DMBT1: variants seen among roughly 807,000 people sequenced by gnomAD.
The protein encoded by DMBT1 is scavenger receptor cysteine-rich domain-containing protein DMBT1.
Under a neutral mutation model 252.9 loss-of-function variants are expected in DMBT1, and 198 were observed. The observed-to-expected ratio is 0.78, with a 90% CI of 0.70 to 0.88. The LOEUF is 0.88. DMBT1 is among the 40% of genes least tolerant of loss of function. The pLI, the probability that DMBT1 is intolerant of heterozygous loss-of-function variation, is 0.00. For missense variants in DMBT1, 2,432 were observed against 2,404.7 expected (o/e 1.01, Z -0.24); for synonymous variants, 990 against 942.7 (o/e 1.05, Z -0.92).
Position 122,619,297 on chromosome 10 carries a change from C to G in DMBT1, c.5216-11C>G. ...TGCATCTGATCTGACCTTCTCTTCT[C>G]TTTCTCACAGCTGCTCAGTCCCAGT... On this transcript the variant is annotated splice_polypyrimidine_tract_variant and intron_variant, in intron 41 of 55. Transcript: ENST00000338354. 1 of 1,614,010 alleles carries G rather than the reference C, an allele frequency of 6.2e-7. No individual in the cohort carries two copies. Among genetic ancestry groups the G allele is most frequent in the African/African-American group, 1.3e-5 (1 of 75,056 alleles).
At position 122,621,090 on chromosome 10, in the gene DMBT1, A is replaced by T; in HGVS notation, c.5318A>T (p.Asn1773Ile). The part of the protein sequence containing the change: ...SESSLALRLV[N>I]GGDRCRGRVE... The stretch of plus-strand genomic sequence containing the variant: ...TCCAGTTTGGCTCTGAGGCTGGTGA[A>T]TGGAGGTGACAGGTGTCGAGGCCGA... The change falls in exon 44 of 56, where the codon AAT becomes ATT. Residue 1773 changes from asparagine (N) to isoleucine (I), a missense_variant. Coordinates refer to ENST00000338354, the MANE Select transcript of DMBT1 (RefSeq NM_001377530.1). The T allele has an allele frequency of 5.6e-6, 9 of 1,613,494 alleles. No individual in the cohort carries two copies. Among genetic ancestry groups the T allele is most frequent in the Non-Finnish European group, 5.9e-6 (7 of 1,179,724 alleles).
intron 41 of DMBT1, 44 bp downstream of exon 41, chr10:122,618,384 T>C: frequency 6.2e-7 from 1 of 1,613,454 alleles, no homozygotes; most frequent in Non-Finnish European, 8.5e-7. Context: ...AGTTGAAGTT[T>C]GCTCAGGAAG....
intron 20 of DMBT1, among the ~76,000 whole-genome samples, chr10:122,592,873 C>T (rs1428800877): frequency 6.7e-6 from 1 of 148,330 alleles, no homozygotes; most frequent in Admixed American, 6.7e-5. Flanking sequence ...CTGCTGGCTC[C>T]CCAGGGTTCC....
At chr10:122,625,382 A>G (rs2098111339) in intron 45 of DMBT1, 79 bp downstream of exon 45, 4 of 1,356,076 alleles carry the variant, frequency 2.9e-6, no homozygotes, top group South Asian at 1.2e-5. Flanking sequence ...TAGGAGGAGT[A>G]GGGTAGACTC....
Position 122,640,437 on chromosome 10 carries a change from T to G in DMBT1, c.7340T>G (p.Leu2447Arg). 1 of 1,612,614 alleles carries G rather than the reference T, an allele frequency of 6.2e-7. No individual in the cohort carries two copies. The highest frequency in any genetic ancestry group is 1.7e-5 in the Admixed American group (1 of 60,014). ...SNDFTSLTYDLIRSGCVRDDT... is the reference protein window; with the variant it reads ...SNDFTSLTYDRIRSGCVRDDT... ...GACTTCACGTCTTTGACTTATGATCTAATCCGGAGTGGGTAAGGAGTGTCT... is the reference window on the plus strand; with the variant it reads ...GACTTCACGTCTTTGACTTATGATCGAATCCGGAGTGGGTAAGGAGTGTCT... Residue 2447 changes from leucine (L) to arginine (R), a missense_variant, in exon 55 of 56, where the codon CTA becomes CGA. Coordinates refer to ENST00000338354, the MANE Select transcript of DMBT1 (RefSeq NM_001377530.1).
At chr10:122,565,805 A>G (rs187941490) in intron 1 of DMBT1, among the ~76,000 whole-genome samples, 162 bp from the exon 2 acceptor site, 29 of 152,348 alleles carry the variant, frequency 1.9e-4, no homozygotes, top group Admixed American at 1.9e-3. Flanking sequence ...TTAATCCGCT[A>G]TTGCAGAATT....
intron 15 of DMBT1, among the ~76,000 whole-genome samples, chr10:122,585,525 C>G (rs866944549): frequency 6.8e-6 from 1 of 147,918 alleles, no homozygotes; most frequent in Non-Finnish European, 1.5e-5. Context: ...GAATCCTGTT[C>G]CAAGTGGTCA....
chr10:122,565,932 A>G (rs2097585990), intron 1 of DMBT1, 35 bp from the exon 2 acceptor site: 12 of 1,610,898 alleles, frequency 7.4e-6, no homozygotes, highest in East Asian at 6.7e-5. Flanking sequence ...TCATTTCTAA[A>G]CAGTGTTTCT....
intron 55 of DMBT1, among the ~76,000 whole-genome samples, chr10:122,642,416 A>G (rs899902084): frequency 6.6e-6 from 1 of 152,192 alleles, no homozygotes; most frequent in African/African-American, 2.4e-5. Context: ...CCACCAATCT[A>G]TAATAACTGG....
At chr10:122,633,489 A>T (rs994488752) in intron 52 of DMBT1, 148 bp downstream of exon 52, 1 of 1,398,296 alleles carries the variant, frequency 7.2e-7, no homozygotes. Flanking sequence ...GCCAGGAGAG[A>T]AGTTTGCTGA....
intron 19 of DMBT1, among the ~76,000 whole-genome samples, chr10:122,591,966 TG>T: frequency 6.7e-6 from 1 of 149,072 alleles, no homozygotes; most frequent in Admixed American, 6.6e-5. Context: ...AGCATAGGCC[TG>T]CCCTCTGGAG....
chr10:122,635,857 A>AG, intron 52 of DMBT1, 134 bp from the exon 53 acceptor site: 2 of 925,086 alleles, frequency 2.2e-6, no homozygotes, highest in Non-Finnish European at 3.3e-6. Context: ...CGCCCAGCCA[A>AG]GGAGACCTAT....
At chr10:122,619,482 C>T in intron 42 of DMBT1, 145 bp downstream of exon 42, 1 of 1,043,914 alleles carries the variant, frequency 9.6e-7, no homozygotes. Flanking sequence ...ACTGAGACCC[C>T]AGCATAGTGC....
At chr10:122,637,992 C>T (rs557146997) in intron 54 of DMBT1, among the ~76,000 whole-genome samples, 1 of 152,318 alleles carries the variant, frequency 6.6e-6, no homozygotes, top group East Asian at 1.9e-4. Context: ...TCAACAGCCC[C>T]TACCACCGAT....
intron 1 of DMBT1, among the ~76,000 whole-genome samples, chr10:122,561,421 G>GT (rs1199810091): frequency 7.0e-6 from 1 of 143,020 alleles, no homozygotes; most frequent in East Asian, 1.9e-4. Flanking sequence ...AAGCATAGCT[G>GT]TATGTTCTTA....
chr10:122,623,352 G>C (rs1377338454), intron 44 of DMBT1, among the ~76,000 whole-genome samples: 1 of 152,226 alleles, frequency 6.6e-6, no homozygotes, highest in African/African-American at 2.4e-5. Context: ...TTGTGAATAA[G>C]TCTGCTATGA....
chr10:122,566,824 G>A (rs972515515), intron 2 of DMBT1, among the ~76,000 whole-genome samples: 1 of 152,164 alleles, frequency 6.6e-6, no homozygotes, highest in African/African-American at 2.4e-5. Context: ...AACACTTTGA[G>A]GTAAGTAATA....
At chr10:122,640,557 T>G (rs1176139104) in intron 55 of DMBT1, 108 bp downstream of exon 55, 1 of 1,193,428 alleles carries the variant, frequency 8.4e-7, no homozygotes, top group Admixed American at 2.7e-5. Context: ...CAGTTCCCAG[T>G]ACTTCCAGCT....
intron 18 of DMBT1, 116 bp from the exon 19 acceptor site, chr10:122,591,363 G>C (rs910749739): frequency 1.6e-6 from 2 of 1,213,622 alleles, no homozygotes; most frequent in Non-Finnish European, 1.2e-6. Flanking sequence ...GGAGCAAGTG[G>C]CAGGAACTAG....
Sources: allele counts gnomAD v4.1 joint callset (sites outside exome capture counted in the v4.1 genomes callset), GRCh38; gene constraint gnomAD v4.1.1; transcripts MANE v1.5; gene names NCBI Gene and HGNC (gene_info 2026-07-23, HGNC 2026-07-21).